PRKAG2: variants seen among roughly 807,000 people sequenced by gnomAD.
PRKAG2 encodes protein kinase AMP-activated non-catalytic subunit gamma 2, also known as 5'-AMP-activated protein kinase subunit gamma-2.
A neutral mutation model predicts 69.6 loss-of-function variants in PRKAG2; 26 were observed. The ratio of observed to expected loss-of-function variants is 0.37; its 90% CI spans 0.27 to 0.52. The LOEUF is 0.52. PRKAG2 is among the 20% of genes least tolerant of loss of function. PRKAG2 has a pLI of 0.90. For missense variants in PRKAG2, 557 were observed against 740.0 expected (o/e 0.75, Z 2.87); for synonymous variants, 293 against 285.0 (o/e 1.03, Z -0.28).
intron 6 of PRKAG2, among the ~76,000 whole-genome samples, chr7:151,585,279 T>G (rs1276210414): frequency 6.6e-6 from 1 of 152,192 alleles, no homozygotes; most frequent in African/African-American, 2.4e-5. Flanking sequence ...AAGTAATACA[T>G]TCCCACGCAT....
chr7:151,799,900 G>A lies in PRKAG2; in HGVS notation c.115-13359C>T, dbSNP rs551903753. Among the ~76,000 whole-genome samples, 27 of 152,208 alleles carry A rather than the reference G, an allele frequency of 1.8e-4. No individual in the cohort carries two copies. The South Asian group carries it at 5.6e-3, about 32-fold the overall frequency. On this transcript the variant is annotated intron_variant, in intron 1 of 15. Transcript: ENST00000287878. ...CACCGGCCAAAATCCCTCACGGGTG[G>A]GCTAACAACACTCACAACAACCACA...
At chr7:151,869,586 C>T (rs1038293389) in intron 1 of PRKAG2, among the ~76,000 whole-genome samples, 14 of 152,226 alleles carry the variant, frequency 9.2e-5, no homozygotes, top group African/African-American at 3.4e-4. Flanking sequence ...ACTATTCCCC[C>T]ATGTGAGCTG....
At chr7:151,673,965 C>T (rs1454324018) in intron 4 of PRKAG2, among the ~76,000 whole-genome samples, 1 of 151,300 alleles carries the variant, frequency 6.6e-6, no homozygotes, top group African/African-American at 2.4e-5. Flanking sequence ...CCTCAGTCTC[C>T]TGACTAGTTG....
intron 5 of PRKAG2, among the ~76,000 whole-genome samples, chr7:151,630,002 C>T (rs533377128): frequency 2.6e-5 from 4 of 152,218 alleles, no homozygotes; most frequent in Admixed American, 1.3e-4. Flanking sequence ...TGGACTACCA[C>T]GCCAACACTG....
chr7:151,703,845 A>AACACACAGAC (rs1838126441), intron 3 of PRKAG2, among the ~76,000 whole-genome samples: 1 of 88,494 alleles, frequency 1.1e-5, no homozygotes, highest in Non-Finnish European at 2.1e-5. Context: ...TTTACTGGAA[A>AACACACAGAC]ACACACACAC....
intron 3 of PRKAG2, among the ~76,000 whole-genome samples, chr7:151,731,877 T>C (rs1478131620): frequency 6.6e-6 from 1 of 152,098 alleles, no homozygotes; most frequent in Non-Finnish European, 1.5e-5. Flanking sequence ...TCACTCTGTC[T>C]CCCAGGCTGG....
chr7:151,700,328 G>A (rs950464000), intron 3 of PRKAG2, among the ~76,000 whole-genome samples: 1 of 152,166 alleles, frequency 6.6e-6, no homozygotes, highest in Non-Finnish European at 1.5e-5. Context: ...TTGGAGTATG[G>A]TCTGAGGACC....
chr7:151,804,033 T>C (rs887275111), intron 1 of PRKAG2, among the ~76,000 whole-genome samples: 2 of 151,882 alleles, frequency 1.3e-5, no homozygotes, highest in South Asian at 2.1e-4. Context: ...AGCCATGCCA[T>C]GTCCCCAGAG....
intron 1 of PRKAG2, among the ~76,000 whole-genome samples, chr7:151,819,945 GATCA>G (rs537421007): frequency 3.3e-4 from 50 of 152,330 alleles, no homozygotes; most frequent in African/African-American, 1.2e-3. Context: ...AGTCATATGT[GATCA>G]ATCAGTTTAA....
chr7:151,609,670 GACTCACTTCCC>G (rs1323893582), intron 5 of PRKAG2, among the ~76,000 whole-genome samples: 2 of 152,046 alleles, frequency 1.3e-5, no homozygotes, highest in Admixed American at 6.6e-5. Context: ...AGAGCGTGAG[GACTCACTTCCC>G]ACCCTCAAGT....
intron 3 of PRKAG2, among the ~76,000 whole-genome samples, chr7:151,716,174 A>G (rs1028133121): frequency 1.3e-5 from 2 of 152,168 alleles, no homozygotes; most frequent in Non-Finnish European, 2.9e-5. Flanking sequence ...ACTATACACA[A>G]ATCAGGAAGT....
At chr7:151,755,800 A>C (rs1033510608) in intron 3 of PRKAG2, among the ~76,000 whole-genome samples, 9 of 152,296 alleles carry the variant, frequency 5.9e-5, no homozygotes, top group African/African-American at 2.2e-4. Context: ...GTCATTTCCA[A>C]GGCAGCAAGG....
At chr7:151,827,197 G>A (rs2078920908) in intron 1 of PRKAG2, among the ~76,000 whole-genome samples, 1 of 152,096 alleles carries the variant, frequency 6.6e-6, no homozygotes, top group Non-Finnish European at 1.5e-5. Flanking sequence ...ATCCATCTGG[G>A]GTCCAGTGGG....
At chr7:151,577,718 C>T (rs566986146) in intron 6 of PRKAG2, among the ~76,000 whole-genome samples, 1 of 151,722 alleles carries the variant, frequency 6.6e-6, no homozygotes, top group African/African-American at 2.4e-5. Flanking sequence ...AAAAAAAAAT[C>T]CACCTCTCAA....
chr7:151,612,236 C>T (rs1286634155), intron 5 of PRKAG2, among the ~76,000 whole-genome samples: 2 of 152,184 alleles, frequency 1.3e-5, no homozygotes, highest in African/African-American at 4.8e-5. Flanking sequence ...GCTGAACCTG[C>T]CCGCAGGTTT....
Position 151,876,598 on chromosome 7 carries a change from G to T in PRKAG2, c.23C>A (p.Thr8Asn), listed in dbSNP as rs892103159. 2 of 1,609,932 alleles carry T rather than the reference G, an allele frequency of 1.2e-6. No individual in the cohort carries two copies. The highest frequency in any genetic ancestry group is 1.7e-6 in the Non-Finnish European group (2 of 1,179,956). ...GCTGGAAACATCTTTTTTCTTCTTG[G>T]TGTCCATAACCGCGCTTCCCATAAC... MGSAVMDTKKKKDVSSPG... is the reference protein window; with the variant it reads MGSAVMDNKKKKDVSSPG... Residue 8 changes from threonine (T) to asparagine (N), a missense_variant, in exon 1 of 16, where the codon ACC (threonine) becomes AAC (asparagine). This residue lies in a region of PRKAG2 where 352 missense variants were observed against 356.7 expected (regional missense o/e 0.99). Transcript: ENST00000287878.
intron 3 of PRKAG2, among the ~76,000 whole-genome samples, chr7:151,683,252 G>C (rs536436123): frequency 8.5e-5 from 13 of 152,332 alleles, no homozygotes; most frequent in African/African-American, 2.9e-4. Flanking sequence ...GAGAGGAGGA[G>C]GAGGAGAACA....
intron 11 of PRKAG2, chr7:151,566,749 C>T (rs1260522811): frequency 1.6e-5 from 5 of 314,170 alleles, no homozygotes; most frequent in South Asian, 1.2e-4. Flanking sequence ...GTCATCTAGT[C>T]CATCTCAACA....
At chr7:151,681,895 TTGGATGACAC>T (rs1366301641) in intron 3 of PRKAG2, among the ~76,000 whole-genome samples, 3 of 151,778 alleles carry the variant, frequency 2.0e-5, no homozygotes, top group Non-Finnish European at 4.4e-5. Context: ...GAAGGAGAGC[TTGGATGACAC>T]TGGGTGACTG....
Sources: gnomAD v4.1 joint callset for allele counts (sites outside exome capture counted in the v4.1 genomes callset) on GRCh38, gnomAD v4.1.1 for gene constraint, gnomAD v4.1.1 regional missense constraint, MANE v1.5 for transcripts, NCBI Gene and HGNC (gene_info 2026-07-23, HGNC 2026-07-21) for gene names.